COL13A1: variants seen among roughly 807,000 people sequenced by gnomAD.
COL13A1 encodes collagen type XIII alpha 1 chain.
COL13A1 carries 89 observed loss-of-function variants against 130.9 expected under a neutral mutation model. The ratio of observed to expected loss-of-function variants is 0.68; its 90% CI spans 0.57 to 0.81. COL13A1 has a LOEUF of 0.81. COL13A1 is among the 30% of genes least tolerant of loss of function. The pLI is 0.00. For missense variants in COL13A1, 879 were observed against 934.6 expected (o/e 0.94, Z 0.78); for synonymous variants, 402 against 341.6 (o/e 1.18, Z -1.95).
chr10:69,936,887 C>A (rs1398593362), intron 33 of COL13A1, 105 bp downstream of exon 33: 1 of 1,386,628 alleles, frequency 7.2e-7, no homozygotes, highest in Non-Finnish European at 1.0e-6. Flanking sequence ...TTAGGTGACA[C>A]TCCAGCCAAG....
intron 10 of COL13A1, among the ~76,000 whole-genome samples, chr10:69,891,792 G>A (rs990886610): frequency 3.9e-5 from 6 of 152,204 alleles, no homozygotes; most frequent in Non-Finnish European, 7.3e-5. Flanking sequence ...GCAGCACTCT[G>A]TCATCCTCAT....
chr10:69,883,433 G>A (rs556459921), intron 7 of COL13A1, among the ~76,000 whole-genome samples: 1 of 152,324 alleles, frequency 6.6e-6, no homozygotes, highest in South Asian at 2.1e-4. Flanking sequence ...CACACCTACT[G>A]AGTGTGTCTC....
chr10:69,929,066 C>G, intron 28 of COL13A1, 67 bp downstream of exon 28: 1 of 1,256,694 alleles, frequency 8.0e-7, no homozygotes, highest in Non-Finnish European at 1.1e-6. Context: ...CTTCCCCTCC[C>G]CCTGTGACCC....
chr10:69,812,811 G>A (rs1054136724), intron 1 of COL13A1, among the ~76,000 whole-genome samples: 2 of 152,236 alleles, frequency 1.3e-5, no homozygotes, highest in African/African-American at 2.4e-5. Context: ...CCTAAGAAGT[G>A]CATTATTGGG....
Position 69,924,977 on chromosome 10 carries a change from A to C in COL13A1, c.1299A>C (p.Ala433=). The change falls in exon 25 of 41, where the codon GCA becomes GCC. Residue 433 remains alanine, a synonymous_variant. Transcript: ENST00000645393. ...TCATGCAACAGGGGGAGCGTGGAGC[A>C]GCTGGAGAACAGGGACCAGATGGCC... ...GQPGDKGERG[A]AGEQGPDGPK... is the part of the protein sequence containing the mutation. 6.3e-6 allele frequency: 10 copies of C among 1,594,764 alleles called. No homozygotes were observed. The highest frequency in any genetic ancestry group is 1.3e-5 in the African/African-American group (1 of 74,530).
chr10:69,942,585 T>C (rs2067796797), intron 35 of COL13A1, among the ~76,000 whole-genome samples: 2 of 149,430 alleles, frequency 1.3e-5, no homozygotes, highest in African/African-American at 2.4e-5. Flanking sequence ...TAAGGGAAAA[T>C]GTGGGGAAAA....
intron 31 of COL13A1, among the ~76,000 whole-genome samples, chr10:69,934,900 G>A (rs977235701): frequency 3.9e-5 from 6 of 152,104 alleles, no homozygotes; most frequent in African/African-American, 1.4e-4. Context: ...ACAAGGGTCA[G>A]GCCTGCAAAA....
At chr10:69,813,490 G>A (rs1026896872) in intron 1 of COL13A1, among the ~76,000 whole-genome samples, 22 of 152,180 alleles carry the variant, frequency 1.4e-4, no homozygotes, top group African/African-American at 5.3e-4. Context: ...GGAGGCAGAG[G>A]GAGACAGAGG....
chr10:69,846,009 CCTGGCGCA>C (rs1852935398), intron 2 of COL13A1, among the ~76,000 whole-genome samples: 1 of 152,270 alleles, frequency 6.6e-6, no homozygotes, highest in African/African-American at 2.4e-5. Flanking sequence ...TTCCCCAAGG[CCTGGCGCA>C]AGGCCAGTGC....
At position 69,889,706 on chromosome 10, in the gene COL13A1, T is replaced by G. The variant is rs186268750; in HGVS notation, c.603+266T>G. On this transcript the variant is annotated intron_variant, in intron 10 of 40. Transcript: ENST00000645393. ...CTGGCTGGTAGCACACAGAGGTCGG[T>G]GTCCAGCTTACTGCTCTCAAACCAC... Among the ~76,000 whole-genome samples, 6,070 of 149,244 alleles carry G rather than the reference T, an allele frequency of 0.041. 152 individuals are homozygous for G. The highest frequency in any genetic ancestry group is 0.091 in the East Asian group (465 of 5,106).
chr10:69,955,204 G>A (rs1028453954), intron 39 of COL13A1: 8 of 152,274 alleles, frequency 5.3e-5, no homozygotes, highest in Non-Finnish European at 1.2e-4. Flanking sequence ...CCCCTTGAAG[G>A]GCAGTAGGGA....
intron 35 of COL13A1, among the ~76,000 whole-genome samples, chr10:69,942,989 A>G (rs2067876730): frequency 6.6e-6 from 1 of 152,184 alleles, no homozygotes; most frequent in African/African-American, 2.4e-5. Context: ...CTGGGATTAC[A>G]GGCACCCACC....
intron 2 of COL13A1, among the ~76,000 whole-genome samples, chr10:69,831,194 A>G (rs1287223604): frequency 6.6e-6 from 1 of 152,156 alleles, no homozygotes; most frequent in Non-Finnish European, 1.5e-5. Flanking sequence ...ACCAGCAAGG[A>G]TGTATCATTG....
intron 10 of COL13A1, among the ~76,000 whole-genome samples, chr10:69,890,063 G>A (rs977335230): frequency 5.9e-5 from 9 of 152,170 alleles, no homozygotes; most frequent in Admixed American, 2.0e-4. Context: ...AGCATCCCGC[G>A]GCCACCACCC....
intron 6 of COL13A1, 118 bp downstream of exon 6, chr10:69,878,183 C>A: frequency 1.5e-6 from 1 of 662,148 alleles, no homozygotes; most frequent in Non-Finnish European, 2.8e-6. Context: ...GCTGGCTGGG[C>A]CTGCTGCCCT....
chr10:69,914,120 C>T (rs1366498766), intron 17 of COL13A1, among the ~76,000 whole-genome samples: 1 of 152,184 alleles, frequency 6.6e-6, no homozygotes, highest in Non-Finnish European at 1.5e-5. Flanking sequence ...TTGCTCTGCA[C>T]AGTTTCTTCC....
At chr10:69,868,591 C>T (rs1331112635) in intron 3 of COL13A1, among the ~76,000 whole-genome samples, 1 of 152,210 alleles carries the variant, frequency 6.6e-6, no homozygotes, top group Non-Finnish European at 1.5e-5. Context: ...GGGCCCAGCC[C>T]TCGCATCAGA....
chr10:69,839,847 A>G (rs930614024), intron 2 of COL13A1, among the ~76,000 whole-genome samples: 1 of 152,134 alleles, frequency 6.6e-6, no homozygotes, highest in Non-Finnish European at 1.5e-5. Context: ...GCCTCGTGTG[A>G]CTCTGGCCTG....
At chr10:69,802,875 C>A (rs962119642) in intron 1 of COL13A1, among the ~76,000 whole-genome samples, 158 bp downstream of exon 1, 10 of 152,226 alleles carry the variant, frequency 6.6e-5, no homozygotes, top group African/African-American at 2.4e-4. Context: ...ACAGACGCTG[C>A]CCTACCAGGG....
Sources: allele counts gnomAD v4.1 joint callset (sites outside exome capture counted in the v4.1 genomes callset), GRCh38; gene constraint gnomAD v4.1.1; transcripts MANE v1.5; gene names NCBI Gene and HGNC (gene_info 2026-07-23, HGNC 2026-07-21).